The following ALDH1L1 variants were observed in gnomAD, a reference collection of about 807,000 sequenced individuals.
ALDH1L1 encodes the protein aldehyde dehydrogenase 1 family member L1.
In ALDH1L1, 68 loss-of-function variants were observed where a neutral mutation model predicts 101.1. The ratio of observed to expected loss-of-function variants is 0.67; its 90% CI spans 0.55 to 0.82. The LOEUF (loss-of-function observed/expected upper bound fraction) is 0.82, where lower values mean the gene tolerates loss of function less well. Among genes scored for constraint, ALDH1L1 ranks in the 40% least tolerant of loss-of-function variants. The pLI is 0.00. For missense variants in ALDH1L1, 1,087 were observed against 1,172.7 expected (o/e 0.93, Z 1.07); for synonymous variants, 486 against 470.8 (o/e 1.03, Z -0.42).
chr3:126,146,767 C>A, intron 9 of ALDH1L1, 68 bp downstream of exon 9: 1 of 1,534,038 alleles, frequency 6.5e-7, no homozygotes, highest in South Asian at 1.2e-5. Flanking sequence ...TCCTGCTGCT[C>A]AGTTTTGCAG....
intron 16 of ALDH1L1, among the ~76,000 whole-genome samples, chr3:126,119,061 TCTTA>T (rs1293961104): frequency 6.6e-6 from 1 of 152,158 alleles, no homozygotes; most frequent in Non-Finnish European, 1.5e-5. Context: ...CTAATTCGAC[TCTTA>T]CTTCTCTGAC....
intron 22 of ALDH1L1, 85 bp from the exon 23 acceptor site, chr3:126,103,931 C>T: frequency 6.8e-7 from 1 of 1,468,098 alleles, no homozygotes; most frequent in Non-Finnish European, 9.3e-7. Flanking sequence ...CCTCAGCAAC[C>T]ACGTGGGGGC....
upstream of ALDH1L1, chr3:126,180,587 C>T: frequency 8.4e-7 from 1 of 1,187,010 alleles, no homozygotes; most frequent in Non-Finnish European, 1.1e-6. Flanking sequence ...TGGGACCTGT[C>T]CCCGCCAGTC....
chr3:126,149,868 G>A lies in ALDH1L1; in HGVS notation c.984+538C>T, dbSNP rs148308556. 7.6e-4 allele frequency among the ~76,000 whole-genome samples: 116 copies of A among 152,352 alleles called. No individual in the cohort carries two copies. In the East Asian group the frequency reaches 0.02, roughly 26 times the overall value. ...CACCCAGGGAAGAAGGATACAGTGG[G>A]AGGGAGCATGAAGGGTCAGGAACAA... On this transcript the variant is annotated intron_variant, in intron 8 of 22. Transcript: ENST00000393434.
intron 1 of ALDH1L1, among the ~76,000 whole-genome samples, chr3:126,174,051 T>C (rs963188054): frequency 6.6e-6 from 1 of 152,240 alleles, no homozygotes; most frequent in African/African-American, 2.4e-5. Context: ...AACGTTTTTT[T>C]TGGGGGGGCG....
In ALDH1L1 at chr3:126,180,400, G is replaced by A. The variant is rs532351875; in HGVS notation, c.-24+76C>T. ...GAGTCCTGGAGCCCCTGGAGCCCCC[G>A]GAGCCCCCGGAGCTGCAGCCGGGGC... On this transcript the variant is annotated intron_variant, in intron 1 of 22. Transcript: ENST00000393434. The A allele has an allele frequency of 1.5e-5, 15 of 972,676 alleles. No homozygotes were observed. In the East Asian group the frequency reaches 1.3e-3, roughly 81 times the overall value. 60.3% of individuals were successfully genotyped at this position (972,676 alleles called of 1,614,324 possible).
intron 2 of ALDH1L1, chr3:126,160,581 C>A (rs1576475724): frequency 2.3e-6 from 1 of 426,082 alleles, no homozygotes; most frequent in Non-Finnish European, 4.2e-6. Context: ...CTGTGTGGGA[C>A]CTGGGACCAG....
At position 126,105,891 on chromosome 3, in the gene ALDH1L1, T is replaced by C; in HGVS notation, c.2488A>G (p.Thr830Ala). 6.2e-7 allele frequency: 1 copy of C among 1,613,998 alleles called. No homozygotes were observed. The highest frequency in any genetic ancestry group is 8.5e-7 in the Non-Finnish European group (1 of 1,179,924). Residue 830 changes from threonine (T) to alanine (A), a missense_variant, in exon 22 of 23, where the codon ACG (threonine) becomes GCG (alanine). By Grantham distance (58) the Thr-to-Ala change is moderately conservative (BLOSUM62 0). Around this residue, in one of 2 missense-constraint regions of ALDH1L1, gnomAD observed 442 missense variants for 535.7 expected, o/e 0.83. Coordinates refer to ENST00000393434, the MANE Select transcript of ALDH1L1 (RefSeq NM_012190.4). Reference protein sequence around the residue: ...LDAVLSRANATEFGLASGVFT... With the variant: ...LDAVLSRANAAEFGLASGVFT... ...ACACCAGAAGCCAGGCCAAATTCCG[T>C]GGCATTGGCCCGAGACAGCACGGCA...
intron 1 of ALDH1L1, among the ~76,000 whole-genome samples, chr3:126,172,706 A>G (rs2081300824): frequency 7.3e-6 from 1 of 137,772 alleles, no homozygotes; most frequent in African/African-American, 3.1e-5. Context: ...AAAGACAGAT[A>G]CCAAACCAAG....
In ALDH1L1 at chr3:126,140,662, GA is replaced by G. The variant is rs2080548783; in HGVS notation, c.1077-2703del. ...GTAACACTATAAAGGGGAAGGAAAA[GA>G]GATGTATAGAATGAGAGTGTTTGTA... On this transcript the variant is annotated intron_variant, in intron 9 of 22. Transcript: ENST00000393434. Among the ~76,000 whole-genome samples, 2 of 152,094 alleles carry G rather than the reference GA, an allele frequency of 1.3e-5. 1 individual carries two copies. Among genetic ancestry groups the G allele is most frequent in the South Asian group, 4.1e-4 (2 of 4,828 alleles).
intron 12 of ALDH1L1, among the ~76,000 whole-genome samples, chr3:126,133,385 C>T (rs1365896085): frequency 6.6e-6 from 1 of 152,226 alleles, no homozygotes; most frequent in Non-Finnish European, 1.5e-5. Context: ...TGCTCGTCTC[C>T]TGCAACCCTA....
chr3:126,175,232 A>G (rs116282310), intron 1 of ALDH1L1, among the ~76,000 whole-genome samples: 2,447 of 152,274 alleles, frequency 0.016, 69 homozygotes, highest in African/African-American at 0.055. Context: ...TACTGATTAA[A>G]GAACTGGAGC....
chr3:126,166,443 A>C (rs1576485368), intron 1 of ALDH1L1, among the ~76,000 whole-genome samples: 1 of 152,336 alleles, frequency 6.6e-6, no homozygotes, highest in East Asian at 1.9e-4. Context: ...GCTCAGCTTA[A>C]TTAAAATGGA....
intron 12 of ALDH1L1, among the ~76,000 whole-genome samples, chr3:126,134,391 C>T (rs768774070): frequency 1.3e-5 from 2 of 152,230 alleles, no homozygotes; most frequent in South Asian, 2.1e-4. Flanking sequence ...GTCCACCAAA[C>T]GCGCACGCAG....
chr3:126,195,771 A>G (rs1455884480), intron 1 of ALDH1L1, among the ~76,000 whole-genome samples: 3 of 152,258 alleles, frequency 2.0e-5, no homozygotes, highest in Non-Finnish European at 4.4e-5. Context: ...ACCATGGAAT[A>G]CTATGCAGCC....
chr3:126,110,214 ACT>A (rs1946036137), intron 19 of ALDH1L1, 105 bp from the exon 20 acceptor site: 2 of 1,439,704 alleles, frequency 1.4e-6, no homozygotes, highest in Non-Finnish European at 1.9e-6. Context: ...GAAAGTCCAC[ACT>A]CTGTTCTAGC....
At chr3:126,132,194 G>A (rs1394899704) in intron 12 of ALDH1L1, among the ~76,000 whole-genome samples, 1 of 152,222 alleles carries the variant, frequency 6.6e-6, no homozygotes, top group East Asian at 1.9e-4. Flanking sequence ...TAGGGGGAGG[G>A]TGGACAGGGA....
At chr3:126,143,093 C>T (rs2080599185) in intron 9 of ALDH1L1, among the ~76,000 whole-genome samples, 2 of 152,198 alleles carry the variant, frequency 1.3e-5, no homozygotes, top group Non-Finnish European at 2.9e-5. Flanking sequence ...ACTCATCTAA[C>T]ACAAAGCCTA....
intron 19 of ALDH1L1, among the ~76,000 whole-genome samples, chr3:126,110,688 G>C (rs530920315): frequency 2.0e-5 from 3 of 152,122 alleles, no homozygotes; most frequent in Non-Finnish European, 2.9e-5. Flanking sequence ...GGTGTGACTC[G>C]AGCACCCGGC....
Sources: gnomAD v4.1 joint callset for allele counts (sites outside exome capture counted in the v4.1 genomes callset) on GRCh38, gnomAD v4.1.1 for gene constraint, gnomAD v4.1.1 regional missense constraint, MANE v1.5 for transcripts, NCBI Gene and HGNC (gene_info 2026-07-23, HGNC 2026-07-21) for gene names.